The following CCDC13 variants were observed in gnomAD, a reference collection of about 807,000 sequenced individuals.
CCDC13 encodes coiled-coil domain-containing protein 13.
In CCDC13, 70 loss-of-function variants were observed where a neutral mutation model predicts 87.3. That is an observed-to-expected ratio of 0.80 (90% CI 0.66 to 0.98). The LOEUF (loss-of-function observed/expected upper bound fraction) is 0.98. Ranked by LOEUF, CCDC13 falls within the 50% of genes least tolerant of loss-of-function variation. The probability of loss-of-function intolerance (pLI) is 0.00; values close to 1 mark genes in which losing one functional copy is unlikely to be tolerated. For synonymous variants in CCDC13, 317 were observed against 360.3 expected (o/e 0.88, Z 1.36); for missense variants, 842 against 892.0 (o/e 0.94, Z 0.71).
chr3:42,740,222 T>C (rs36061398), intron 8 of CCDC13, among the ~76,000 whole-genome samples: 26,674 of 152,172 alleles, frequency 0.18, 2,422 homozygotes, highest in South Asian at 0.28. Flanking sequence ...AGGTTCCAAC[T>C]GCAGCACCTT....
chr3:42,766,257 G>C (rs1366396971), intron 1 of CCDC13, among the ~76,000 whole-genome samples: 1 of 152,114 alleles, frequency 6.6e-6, no homozygotes, highest in East Asian at 1.9e-4. Flanking sequence ...TGCTGGGTGG[G>C]TCTGGGGTTC....
intron 5 of CCDC13, among the ~76,000 whole-genome samples, chr3:42,750,610 G>T (rs1699550650): frequency 6.6e-6 from 1 of 152,314 alleles, no homozygotes; most frequent in East Asian, 1.9e-4. Context: ...TGGGATTACA[G>T]GCGTTCGCCA....
intron 1 of CCDC13, among the ~76,000 whole-genome samples, chr3:42,769,625 C>A (rs1700013009): frequency 6.6e-6 from 1 of 152,286 alleles, no homozygotes; most frequent in Non-Finnish European, 1.5e-5. Flanking sequence ...CTTGAGGAGC[C>A]CTTCAGCCTG....
chr3:42,719,940 A>G (rs889814249), intron 13 of CCDC13, among the ~76,000 whole-genome samples: 1 of 152,260 alleles, frequency 6.6e-6, no homozygotes, highest in Non-Finnish European at 1.5e-5. Context: ...CTGTGACTTA[A>G]GTAATTTTTG....
At chr3:42,747,842 G>A (rs961555750) in intron 5 of CCDC13, among the ~76,000 whole-genome samples, 10 of 152,196 alleles carry the variant, frequency 6.6e-5, no homozygotes, top group Admixed American at 2.6e-4. Context: ...GTTATTCCCC[G>A]AAGGCAAGCC....
chr3:42,725,296 G>A (rs751932104), intron 13 of CCDC13, among the ~76,000 whole-genome samples: 2 of 152,040 alleles, frequency 1.3e-5, no homozygotes, highest in Non-Finnish European at 2.9e-5. Context: ...CTTTGATTCA[G>A]CCATTTCTTT....
At chr3:42,705,233 G>A (rs1013680345), downstream of CCDC13, among the ~76,000 whole-genome samples, 1 of 152,186 alleles carries the variant, frequency 6.6e-6, no homozygotes, top group African/African-American at 2.4e-5. Context: ...GCTGTGGGCT[G>A]GCTGGGGGTG....
Position 42,743,462 on chromosome 3 carries a change from G to A in CCDC13, c.826-405C>T, listed in dbSNP as rs567894702. ...AGACAGGGTCTTGCTCTGTTGCCCC[G>A]ACTGGAGTGCAGTGGTGCAATCATG... is the stretch of plus-strand genomic sequence containing the variant. On this transcript the variant is annotated intron_variant, in intron 7 of 15. Transcript: ENST00000310232. 5.1e-3 allele frequency among the ~76,000 whole-genome samples: 755 copies of A among 147,044 alleles called. 7 individuals are homozygous for A. The highest frequency in any genetic ancestry group is 0.018 in the African/African-American group (709 of 39,846).
rs200881787 is a variant in CCDC13, at chr3:42,745,932, C to T, written c.816G>A (p.Leu272=). ...CTGATGACTCACTCACCTTGCTCTG[C>T]AAAACAAGAATTTGTTGAGCCCGAC... ...WRGRAQQILV[L]QSKVQELEKQ... The change falls in exon 7 of 16, where the codon TTG becomes TTA. Residue 272 remains leucine, a synonymous_variant. Transcript: ENST00000310232. 1.1e-5 allele frequency: 17 copies of T among 1,613,658 alleles called. No individual in the cohort carries two copies. The East Asian group carries it at 3.6e-4, about 34-fold the overall frequency.
chr3:42,710,369 T>C (rs1698281841), intron 14 of CCDC13, among the ~76,000 whole-genome samples: 1 of 152,092 alleles, frequency 6.6e-6, no homozygotes, highest in African/African-American at 2.4e-5. Flanking sequence ...GCCTGGTAAT[T>C]TGTTTTCAAA....
At chr3:42,763,079 AAAAAG>A (rs1699866225) in intron 1 of CCDC13, among the ~76,000 whole-genome samples, 1 of 152,262 alleles carries the variant, frequency 6.6e-6, no homozygotes, top group Non-Finnish European at 1.5e-5. Context: ...CACCTAGTCG[AAAAAG>A]ATTTATGAAC....
Position 42,773,210 on chromosome 3 carries a change from C to G in CCDC13, c.-41G>C, listed in dbSNP as rs1200764944. 2 of 152,250 alleles carry G rather than the reference C, an allele frequency of 1.3e-5. No homozygotes were observed. Among genetic ancestry groups the G allele is most frequent in the Non-Finnish European group, 2.9e-5 (2 of 68,056 alleles). The allele number at this position is 152,250 out of a possible 1,614,324, so 9.4% of individuals were successfully genotyped here. A position where few individuals can be genotyped will look rare whatever the true frequency, so the allele number is the denominator to read the frequency against. On this transcript the variant is annotated 5_prime_UTR_variant, in exon 1 of 16. Coordinates refer to ENST00000310232, the MANE Select transcript of CCDC13 (RefSeq NM_144719.4). ...TCTCCACTTCTCCCTTCTAGGACCGCGGCGGCTAGGTCACCTCCTCCGGAC... is the reference window on the plus strand; with the variant it reads ...TCTCCACTTCTCCCTTCTAGGACCGGGGCGGCTAGGTCACCTCCTCCGGAC...
intron 9 of CCDC13, among the ~76,000 whole-genome samples, chr3:42,736,498 C>A (rs1699026436): frequency 6.6e-6 from 1 of 152,136 alleles, no homozygotes; most frequent in South Asian, 2.1e-4. Flanking sequence ...ATGACTGGGA[C>A]TAGTTTGCAG....
At chr3:42,744,165 T>G (rs557926105) in intron 7 of CCDC13, among the ~76,000 whole-genome samples, 13 of 106,752 alleles carry the variant, frequency 1.2e-4, no homozygotes, top group Non-Finnish European at 2.6e-4. Flanking sequence ...TAGGTAACTT[T>G]GCAAAATCCC....
intron 5 of CCDC13, among the ~76,000 whole-genome samples, chr3:42,751,197 G>C (rs898233549): frequency 4.6e-5 from 7 of 152,204 alleles, no homozygotes; most frequent in African/African-American, 1.7e-4. Flanking sequence ...CCCGGGGCTT[G>C]GCTGCCTCTC....
chr3:42,752,112 A>T, intron 4 of CCDC13, 87 bp from the exon 5 acceptor site: 2 of 1,165,588 alleles, frequency 1.7e-6, no homozygotes, highest in Non-Finnish European at 2.5e-6. Flanking sequence ...GTGTGTGGTT[A>T]CCTATCTTGG....
At chr3:42,733,639 A>G (rs1468069815) in intron 10 of CCDC13, 30 bp from the exon 11 acceptor site, 1 of 1,571,286 alleles carries the variant, frequency 6.4e-7, no homozygotes, top group Non-Finnish European at 8.6e-7. Flanking sequence ...TTCCATCCTC[A>G]GGGCTTTGGC....
chr3:42,720,369 C>T (rs969844442), intron 13 of CCDC13, among the ~76,000 whole-genome samples: 2 of 152,204 alleles, frequency 1.3e-5, no homozygotes, highest in Admixed American at 1.3e-4. Context: ...ACCTGCTTTA[C>T]AGCTAGGTAA....
Position 42,707,254 on chromosome 3 carries a change from T to C in CCDC13, c.*1726A>G, listed in dbSNP as rs1186865546. On this transcript the variant is annotated 3_prime_UTR_variant, in exon 16 of 16. Transcript: ENST00000310232. ...CAGCCCACCCCTCGCTGTCACACAC[T>C]GTCCCCTCCAAGCACAGACCCTCTC... Among the ~76,000 whole-genome samples, 1 of 152,164 alleles carries C rather than the reference T, an allele frequency of 6.6e-6. No individual in the cohort carries two copies. Among genetic ancestry groups the C allele is most frequent in the Non-Finnish European group, 1.5e-5 (1 of 68,018 alleles).
Sources: allele counts gnomAD v4.1 joint callset (sites outside exome capture counted in the v4.1 genomes callset), GRCh38; gene constraint gnomAD v4.1.1; transcripts MANE v1.5; gene names NCBI Gene and HGNC (gene_info 2026-07-23, HGNC 2026-07-21).